PSMD14: variants seen among roughly 807,000 people sequenced by gnomAD.
PSMD14 encodes proteasome 26S subunit, non-ATPase 14.
A neutral mutation model predicts 41.2 loss-of-function variants in PSMD14; 7 were observed. That is an observed-to-expected ratio of 0.17 (90% CI 0.10 to 0.32). The LOEUF (loss-of-function observed/expected upper bound fraction) is 0.32, where lower values mean the gene tolerates loss of function less well. Ranked by LOEUF, PSMD14 falls within the 10% of genes least tolerant of loss-of-function variation. The pLI, the probability that PSMD14 is intolerant of heterozygous loss-of-function variation, is 1.00. For missense variants in PSMD14, 139 were observed against 375.6 expected (o/e 0.37, Z 5.21); for synonymous variants, 114 against 122.3 (o/e 0.93, Z 0.45).
chr2:161,404,986 T>C (rs1683930101), intron 10 of PSMD14, among the ~76,000 whole-genome samples: 1 of 152,234 alleles, frequency 6.6e-6, no homozygotes, highest in Non-Finnish European at 1.5e-5. Context: ...AAATGTATTA[T>C]CATCTCCACT....
At chr2:161,349,381 G>C (rs1218942434) in intron 3 of PSMD14, among the ~76,000 whole-genome samples, 2 of 152,186 alleles carry the variant, frequency 1.3e-5, no homozygotes, top group Non-Finnish European at 2.9e-5. Flanking sequence ...CAGAATGCCT[G>C]CTTGGCATGT....
At chr2:161,394,210 G>T (rs994809744) in intron 9 of PSMD14, among the ~76,000 whole-genome samples, 2 of 151,920 alleles carry the variant, frequency 1.3e-5, no homozygotes, top group African/African-American at 2.4e-5. Flanking sequence ...GACCTCAACT[G>T]ATTCACCCTC....
intron 3 of PSMD14, among the ~76,000 whole-genome samples, chr2:161,323,336 A>G (rs1682638344): frequency 6.6e-6 from 1 of 152,168 alleles, no homozygotes; most frequent in East Asian, 1.9e-4. Flanking sequence ...CTACAAAACA[A>G]CTAAGTTTTA....
At chr2:161,353,959 A>AT (rs1345552147) in intron 3 of PSMD14, among the ~76,000 whole-genome samples, 1 of 152,158 alleles carries the variant, frequency 6.6e-6, no homozygotes, top group Non-Finnish European at 1.5e-5. Flanking sequence ...CAGTTAATTT[A>AT]TTTTTTATTT....
intron 3 of PSMD14, among the ~76,000 whole-genome samples, chr2:161,324,364 T>A (rs1408366971): frequency 6.6e-6 from 1 of 152,138 alleles, no homozygotes; most frequent in Non-Finnish European, 1.5e-5. Flanking sequence ...GTAAGTACAG[T>A]GGAGGTTAGT....
intron 7 of PSMD14, among the ~76,000 whole-genome samples, chr2:161,380,398 T>C (rs916389950): frequency 5.3e-5 from 8 of 152,066 alleles, no homozygotes; most frequent in Non-Finnish European, 1.2e-4. Context: ...ACCATACTAG[T>C]TTCTAAAGAT....
intron 1 of PSMD14, among the ~76,000 whole-genome samples, chr2:161,313,800 C>T (rs539045988): frequency 7.0e-6 from 1 of 143,424 alleles, no homozygotes; most frequent in African/African-American, 2.6e-5. Context: ...TAGATCAGTT[C>T]TGTATTTCAA....
At chr2:161,380,358 C>G (rs1683556901) in intron 7 of PSMD14, among the ~76,000 whole-genome samples, 1 of 151,988 alleles carries the variant, frequency 6.6e-6, no homozygotes. Context: ...CCCAGTGTTT[C>G]ATGAATCTAA....
At chr2:161,328,985 TA>T (rs1488406772) in intron 3 of PSMD14, among the ~76,000 whole-genome samples, 2 of 152,134 alleles carry the variant, frequency 1.3e-5, no homozygotes, top group Non-Finnish European at 2.9e-5. Flanking sequence ...ATTTATTTTT[TA>T]GTAGTTTTTT....
At chr2:161,358,556 C>T (rs900822934) in intron 3 of PSMD14, among the ~76,000 whole-genome samples, 3 of 152,184 alleles carry the variant, frequency 2.0e-5, no homozygotes, top group African/African-American at 7.2e-5. Context: ...CCCATTTCTG[C>T]CCATTACAAC....
chr2:161,367,265 A>G (rs1417008282), intron 3 of PSMD14, among the ~76,000 whole-genome samples: 1 of 152,226 alleles, frequency 6.6e-6, no homozygotes, highest in Non-Finnish European at 1.5e-5. Flanking sequence ...CTTTATGTCC[A>G]TTAGACCCTT....
intron 3 of PSMD14, among the ~76,000 whole-genome samples, chr2:161,330,626 A>G (rs1682773703): frequency 6.6e-6 from 1 of 152,116 alleles, no homozygotes; most frequent in Admixed American, 6.5e-5. Context: ...CACAGACTCA[A>G]GGTGGTTCTC....
intron 3 of PSMD14, among the ~76,000 whole-genome samples, chr2:161,325,815 AG>A (rs1357148794): frequency 6.6e-6 from 1 of 152,218 alleles, no homozygotes; most frequent in Non-Finnish European, 1.5e-5. Context: ...CAGGTAGACC[AG>A]TATAATCAAA....
chr2:161,383,066 G>A (rs981985535), intron 7 of PSMD14: 2 of 150,056 alleles, frequency 1.3e-5, no homozygotes, highest in African/African-American at 2.5e-5. Context: ...TTAATCTTAC[G>A]GTGGCATAAT....
intron 3 of PSMD14, among the ~76,000 whole-genome samples, chr2:161,339,589 T>C (rs1055519426): frequency 4.0e-5 from 6 of 150,250 alleles, no homozygotes; most frequent in Non-Finnish European, 7.4e-5. Context: ...GAGGAGTACA[T>C]GAGGTGTGGT....
chr2:161,369,921 CAGTTTGGT>C (rs1211954207), intron 5 of PSMD14, among the ~76,000 whole-genome samples, 178 bp from the exon 6 acceptor site: 4 of 152,030 alleles, frequency 2.6e-5, no homozygotes. Flanking sequence ...TCGCCAACAG[CAGTTTGGT>C]AGTTGGCAAT....
chr2:161,362,902 T>C (rs1395618097), intron 3 of PSMD14, among the ~76,000 whole-genome samples: 1 of 152,230 alleles, frequency 6.6e-6, no homozygotes, highest in Non-Finnish European at 1.5e-5. Flanking sequence ...GAAAATTTTC[T>C]TCAGCTTTGC....
chr2:161,341,113 C>T, intron 3 of PSMD14: 2 of 1,366,240 alleles, frequency 1.5e-6, no homozygotes, highest in South Asian at 1.6e-5. Flanking sequence ...CCAGGCTCCT[C>T]CGGCCCCGCG....
At chr2:161,368,704 C>T (rs1260322173) in intron 5 of PSMD14, among the ~76,000 whole-genome samples, 1 of 151,984 alleles carries the variant, frequency 6.6e-6, no homozygotes. Flanking sequence ...CAATATTTCT[C>T]TTACTGAGCC....
Sources: allele counts gnomAD v4.1 joint callset (sites outside exome capture counted in the v4.1 genomes callset), GRCh38; gene constraint gnomAD v4.1.1; transcripts MANE v1.5; gene names NCBI Gene and HGNC (gene_info 2026-07-23, HGNC 2026-07-21).